MLC1: variants seen among roughly 807,000 people sequenced by gnomAD.
The protein encoded by MLC1 is modulator of VRAC current 1, also known as membrane protein MLC1.
Under a neutral mutation model 44.7 loss-of-function variants are expected in MLC1, and 32 were observed. The ratio of observed to expected loss-of-function variants is 0.72; its 90% CI spans 0.54 to 0.96. The LOEUF is 0.96. Among genes scored for constraint, MLC1 ranks in the 40% least tolerant of loss-of-function variants. MLC1 has a pLI of 0.00. For synonymous variants in MLC1, 190 were observed against 213.0 expected (o/e 0.89, Z 0.94); for missense variants, 459 against 492.2 (o/e 0.93, Z 0.64).
At chr22:50,081,627 G>T (rs2062144354) in intron 3 of MLC1, among the ~76,000 whole-genome samples, 1 of 152,268 alleles carries the variant, frequency 6.6e-6, no homozygotes, top group South Asian at 2.1e-4. Context: ...TGAGTCGGGG[G>T]TGCAGGCCCT....
Position 50,064,033 on chromosome 22 carries a change from C to A in MLC1, c.1059+1G>T. ...GCCCCCTCCCCCTGCAGGCCACTCA[C>A]CTCCCCAGCCAGGCGCTCCTGCGGG... On this transcript the variant is annotated splice_donor_variant, in intron 11 of 11. Transcript: ENST00000311597. LOFTEE classifies it high-confidence loss of function. 1 of 1,596,130 alleles carries A rather than the reference C, an allele frequency of 6.3e-7. No homozygotes were observed. Among genetic ancestry groups the A allele is most frequent in the Non-Finnish European group, 8.5e-7 (1 of 1,173,686 alleles).
At chr22:50,064,226 G>C in intron 10 of MLC1, 28 bp from the exon 11 acceptor site, 1 of 1,570,822 alleles carries the variant, frequency 6.4e-7, no homozygotes, top group Non-Finnish European at 8.6e-7. Flanking sequence ...TGTGAGCAGA[G>C]TGGCCCAGCC....
chr22:50,067,286 GCCCCCATCAGACAGTGACTCCAT>G (rs1424243396), intron 10 of MLC1, among the ~76,000 whole-genome samples: 3 of 128,038 alleles, frequency 2.3e-5, no homozygotes, highest in African/African-American at 8.9e-5. Flanking sequence ...GTGACTCCAT[GCCCCCATCAGACAGTGACTCCAT>G]CCCCCATCAG....
At position 50,079,923 on chromosome 22, in the gene MLC1, T is replaced by C. The variant is rs758614290; in HGVS notation, c.418A>G (p.Ile140Val). ...CGAAGCTCGTGTGAACTCACGTTTATTGCTGATGGGTTCAGGACTAGTTTG... is the reference window on the plus strand; with the variant it reads ...CGAAGCTCGTGTGAACTCACGTTTACTGCTGATGGGTTCAGGACTAGTTTG... ...GCKLVLNPSA[I>V]NINFNLILLL... The change falls in exon 5 of 12, where the codon ATA becomes GTA. Residue 140 changes from isoleucine to valine, a missense_variant. Physicochemically the swap from Ile to Val is conservative, Grantham distance 29. Transcript: ENST00000311597. The C allele has an allele frequency of 1.7e-5, 28 of 1,610,970 alleles. No individual in the cohort carries two copies. The highest frequency in any genetic ancestry group is 2.3e-5 in the Non-Finnish European group (27 of 1,177,088).
chr22:50,079,930 T>C lies in MLC1; in HGVS notation c.411A>G (p.Pro137=). 1 of 1,612,704 alleles carries C rather than the reference T, an allele frequency of 6.2e-7. No individual in the cohort carries two copies. Among genetic ancestry groups the C allele is most frequent in the Non-Finnish European group, 8.5e-7 (1 of 1,178,694 alleles). Residue 137 remains proline, a synonymous_variant, in exon 5 of 12, where the codon CCA becomes CCG. Transcript: ENST00000311597. ...IWFGCKLVLN[P]SAININFNLI... is the part of the protein sequence containing the mutation. The stretch of plus-strand genomic sequence containing the variant: ...CGTGTGAACTCACGTTTATTGCTGA[T>C]GGGTTCAGGACTAGTTTGCATCCAA...
In MLC1 at chr22:50,068,408, G is replaced by A. The variant is rs764138725; in HGVS notation, c.894+25C>T. ...CACGCAGAGCACCACATGTCTGGGG[G>A]GCTCTGAAATAAAATACAACTCACT... On this transcript the variant is annotated intron_variant, in intron 10 of 11. Coordinates refer to ENST00000311597, the MANE Select transcript of MLC1 (RefSeq NM_015166.4). 9 of 1,611,572 alleles carry A rather than the reference G, an allele frequency of 5.6e-6. No individual in the cohort carries two copies. In the Admixed American group the frequency reaches 8.3e-5, roughly 15 times the overall value.
intron 10 of MLC1, among the ~76,000 whole-genome samples, chr22:50,064,551 G>A (rs543567653): frequency 1.4e-3 from 207 of 152,302 alleles, no homozygotes; most frequent in Non-Finnish European, 2.4e-3. Flanking sequence ...GAATGTCCGC[G>A]GGAGGCAGAA....
intron 11 of MLC1, among the ~76,000 whole-genome samples, chr22:50,063,348 C>T (rs2061611288): frequency 6.6e-6 from 1 of 151,578 alleles, no homozygotes; most frequent in African/African-American, 2.4e-5. Context: ...TGGCGGGTGC[C>T]TGTAGTCCCA....
chr22:50,075,091 C>T (rs1021627124), intron 7 of MLC1, among the ~76,000 whole-genome samples: 5 of 150,702 alleles, frequency 3.3e-5, no homozygotes, highest in Admixed American at 6.7e-5. Flanking sequence ...CTCATCTGCC[C>T]GGCACCATCA....
intron 11 of MLC1, among the ~76,000 whole-genome samples, chr22:50,063,643 G>GACCACCCCCACCCCACA (rs2061620899): frequency 1.4e-5 from 2 of 143,520 alleles, no homozygotes; most frequent in Admixed American, 6.9e-5. Flanking sequence ...CCTCCCCAGC[G>GACCACCCCCACCCCACA]GGTGCTCCTG....
intron 11 of MLC1, among the ~76,000 whole-genome samples, chr22:50,063,459 T>C (rs3817815): frequency 0.13 from 17,739 of 141,410 alleles, 1,242 homozygotes; most frequent in South Asian, 0.23. Context: ...GGTGACAGAC[T>C]GAGACTCCTT....
chr22:50,082,534 G>A (rs2062172198), intron 3 of MLC1, among the ~76,000 whole-genome samples: 2 of 152,384 alleles, frequency 1.3e-5, no homozygotes, highest in South Asian at 4.1e-4. Flanking sequence ...GCAGCCGCAG[G>A]CTCAGAATCA....
At position 50,083,022 on chromosome 22, in the gene MLC1, A is replaced by G; in HGVS notation, c.267+62T>C. On this transcript the variant is annotated intron_variant, in intron 3 of 11. Coordinates refer to ENST00000311597, the MANE Select transcript of MLC1 (RefSeq NM_015166.4). This position sits in a 1 kb window ranked among gnomAD's most constrained non-coding sequence, Gnocchi z 4.6. ...CAGAAACCTGCACATCTCAGAACAA[A>G]GAAACCAGAGCACGTGCCGGCGAGC... 1 of 1,513,248 alleles carries G rather than the reference A, an allele frequency of 6.6e-7. No homozygotes were observed. Among genetic ancestry groups the G allele is most frequent in the Non-Finnish European group, 9.2e-7 (1 of 1,089,700 alleles). 93.7% of individuals were successfully genotyped at this position (1,513,248 alleles called of 1,614,324 possible).
intron 10 of MLC1, 30 bp from the exon 11 acceptor site, chr22:50,064,228 GGCCCAGCC>G (rs766745685): frequency 6.4e-7 from 1 of 1,566,806 alleles, no homozygotes; most frequent in East Asian, 2.3e-5. Flanking sequence ...TGAGCAGAGT[GGCCCAGCC>G]GCCCTCCAGC....
chr22:50,074,120 G>T, intron 8 of MLC1, 96 bp downstream of exon 8: 1 of 1,021,080 alleles, frequency 9.8e-7, no homozygotes, highest in Non-Finnish European at 1.5e-6. Flanking sequence ...GTGACTCTCT[G>T]TCTGAATGCA....
At chr22:50,085,306 A>G (rs2062254978) in intron 1 of MLC1, 49 bp downstream of exon 1, 3 of 762,906 alleles carry the variant, frequency 3.9e-6, no homozygotes, top group Non-Finnish European at 5.2e-6. Flanking sequence ...GCTAAACGAG[A>G]GATTGCAAAA....
intron 9 of MLC1, among the ~76,000 whole-genome samples, chr22:50,069,113 G>A (rs1180856036): frequency 6.6e-6 from 1 of 151,880 alleles, no homozygotes; most frequent in Non-Finnish European, 1.5e-5. Flanking sequence ...TGCAACCTCT[G>A]CCTCCTGGGT....
intron 9 of MLC1, among the ~76,000 whole-genome samples, chr22:50,069,437 G>C (rs765717486): frequency 3.9e-5 from 6 of 151,992 alleles, no homozygotes; most frequent in Admixed American, 1.3e-4. Flanking sequence ...CTGAGGTCAC[G>C]AGTTCGAGAC....
chr22:50,068,725 C>CTTTTTTTTTTTTTTTTTT (rs765426637), intron 9 of MLC1, among the ~76,000 whole-genome samples, 170 bp from the exon 10 acceptor site: 9 of 105,246 alleles, frequency 8.6e-5, no homozygotes, highest in Non-Finnish European at 1.3e-4. Flanking sequence ...TTTTCTTTTT[C>CTTTTTTTTTTTTTTTTTT]TTTTTTTTTT....
Sources: allele counts gnomAD v4.1 joint callset (sites outside exome capture counted in the v4.1 genomes callset), GRCh38; gene constraint gnomAD v4.1.1; non-coding constraint Gnocchi (gnomAD v3.1); transcripts MANE v1.5; gene names NCBI Gene and HGNC (gene_info 2026-07-23, HGNC 2026-07-21).